The following EPHB1 variants were observed in gnomAD, a reference collection of about 807,000 sequenced individuals.
The protein encoded by EPHB1 is EPH receptor B1.
A neutral mutation model predicts 94.4 loss-of-function variants in EPHB1; 30 were observed. That is an observed-to-expected ratio of 0.32 (90% CI 0.24 to 0.43). EPHB1 has a LOEUF of 0.43. EPHB1 is among the 20% of genes least tolerant of loss of function. The pLI is 1.00. For missense variants in EPHB1, 1,055 were observed against 1,308.3 expected (o/e 0.81, Z 2.99); for synonymous variants, 522 against 489.1 (o/e 1.07, Z -0.89).
chr3:135,168,538 T>G lies in EPHB1; in HGVS notation c.1759+1532T>G, dbSNP rs367862704. Reference sequence around the variant, plus strand: ...TTATGTTGGCCTGTGCATTAGCCCTTCCAGGCAGGGCCTTACCTTCCCCAA... The same window carrying G: ...TTATGTTGGCCTGTGCATTAGCCCTGCCAGGCAGGGCCTTACCTTCCCCAA... On this transcript the variant is annotated intron_variant, in intron 9 of 15. Transcript: ENST00000398015. Among the ~76,000 whole-genome samples the G allele has an allele frequency of 9.0e-4, 137 of 152,330 alleles. 4 individuals are homozygous for G. The South Asian group carries it at 0.027, about 30-fold the overall frequency.
chr3:134,867,318 A>G (rs151251977), intron 1 of EPHB1, among the ~76,000 whole-genome samples: 41 of 152,312 alleles, frequency 2.7e-4, no homozygotes, highest in Non-Finnish European at 5.3e-4. Flanking sequence ...TTTTCTGCCT[A>G]TGTCATACCT....
chr3:135,076,261 A>ATTATG, intron 3 of EPHB1, among the ~76,000 whole-genome samples: 1 of 112,580 alleles, frequency 8.9e-6, no homozygotes, highest in South Asian at 2.8e-4. Context: ...ATATATATAT[A>ATTATG]ACTCTTAAAT....
At chr3:134,967,652 T>G (rs1408444750) in intron 3 of EPHB1, among the ~76,000 whole-genome samples, 1 of 152,182 alleles carries the variant, frequency 6.6e-6, no homozygotes, top group African/African-American at 2.4e-5. Context: ...CCTCACCAGA[T>G]GTAGCACCTT....
intron 1 of EPHB1, among the ~76,000 whole-genome samples, chr3:134,823,167 A>G (rs115254790): frequency 0.011 from 1,745 of 152,334 alleles, 33 homozygotes; most frequent in African/African-American, 0.04. Context: ...CTTAAAAGCC[A>G]TTAAGTCACT....
chr3:135,136,123 G>A (rs2107688635), intron 5 of EPHB1, among the ~76,000 whole-genome samples: 1 of 152,306 alleles, frequency 6.6e-6, no homozygotes, highest in South Asian at 2.1e-4. Flanking sequence ...CCTAAAAGTG[G>A]ACAGTACCTC....
At chr3:135,004,059 G>T (rs1935294349) in intron 3 of EPHB1, among the ~76,000 whole-genome samples, 1 of 151,810 alleles carries the variant, frequency 6.6e-6, no homozygotes, top group South Asian at 2.1e-4. Context: ...AGTCTCGATG[G>T]TCTTTTCATT....
At chr3:134,885,978 AC>A (rs1417134877) in intron 1 of EPHB1, among the ~76,000 whole-genome samples, 2 of 152,224 alleles carry the variant, frequency 1.3e-5, no homozygotes, top group Non-Finnish European at 2.9e-5. Flanking sequence ...AAATCCACAT[AC>A]CAAGTGATGC....
At chr3:134,939,065 C>T (rs2107708674) in intron 2 of EPHB1, among the ~76,000 whole-genome samples, 1 of 152,218 alleles carries the variant, frequency 6.6e-6, no homozygotes, top group Admixed American at 6.5e-5. Context: ...TCCACCTTGA[C>T]CTTGTTACAG....
At chr3:135,229,718 C>T (rs72630182) in intron 12 of EPHB1, among the ~76,000 whole-genome samples, 7,352 of 152,292 alleles carry the variant, frequency 0.048, 295 homozygotes, top group East Asian at 0.21. Flanking sequence ...CCCCAACCTT[C>T]TCCAGAGACA....
chr3:135,153,246 T>C (rs1345824715), intron 5 of EPHB1, among the ~76,000 whole-genome samples: 1 of 152,156 alleles, frequency 6.6e-6, no homozygotes, highest in African/African-American at 2.4e-5. Context: ...AAGACCTTCA[T>C]CACTGCAGAA....
At position 134,891,588 on chromosome 3, in the gene EPHB1, C is replaced by G. The variant is rs1353498137; in HGVS notation, c.59-34228C>G. Among the ~76,000 whole-genome samples the G allele has an allele frequency of 2.0e-5, 3 of 151,644 alleles. No individual in the cohort carries two copies. In the East Asian group the frequency reaches 5.8e-4, roughly 29 times the overall value. On this transcript the variant is annotated intron_variant, in intron 1 of 15. Coordinates refer to ENST00000398015, the MANE Select transcript of EPHB1 (RefSeq NM_004441.5). The stretch of plus-strand genomic sequence containing the variant: ...TGCCTTTTTGATGTTCATTGAGACA[C>G]CTGGATAATATTTTGAATTTATTAA...
Position 134,959,966 on chromosome 3 carries a change from C to CTTTTTTTTTTTT in EPHB1, c.805+7945_805+7956dup, listed in dbSNP as rs61369813. On this transcript the variant is annotated intron_variant, in intron 3 of 15. Coordinates refer to ENST00000398015, the MANE Select transcript of EPHB1 (RefSeq NM_004441.5). ...AGAATTTGAGCACAAACATCTGCAC[C>CTTTTTTTTTTTT]TTTTTTTTTTTTTTTTTTTTTTTTT... is the stretch of plus-strand genomic sequence containing the variant. 2.3e-4 allele frequency among the ~76,000 whole-genome samples: 25 copies of CTTTTTTTTTTTT among 107,420 alleles called. 4 individuals carry two copies. Among genetic ancestry groups the CTTTTTTTTTTTT allele is most frequent in the East Asian group, 8.3e-4 (2 of 2,424 alleles). 70.5% of individuals were successfully genotyped at this position (107,420 alleles called of 152,430 possible).
intron 1 of EPHB1, among the ~76,000 whole-genome samples, chr3:134,853,727 A>T (rs1233022206): frequency 1.3e-5 from 2 of 152,216 alleles, no homozygotes; most frequent in African/African-American, 4.8e-5. Context: ...ACCGTAGCAC[A>T]GCAATATTCT....
chr3:134,837,987 G>A (rs1442046863), intron 1 of EPHB1, among the ~76,000 whole-genome samples: 2 of 152,132 alleles, frequency 1.3e-5, no homozygotes, highest in Non-Finnish European at 2.9e-5. Flanking sequence ...GAATAGGCAG[G>A]GGGTGAGGGC....
chr3:135,241,372 C>T (rs1943779301), intron 13 of EPHB1, 75 bp downstream of exon 13: 2 of 1,578,014 alleles, frequency 1.3e-6, no homozygotes, highest in African/African-American at 1.3e-5. Context: ...ACCAATTCCT[C>T]CTGTTTTCAG....
chr3:135,090,078 A>G (rs1271469603), intron 3 of EPHB1, among the ~76,000 whole-genome samples: 1 of 152,246 alleles, frequency 6.6e-6, no homozygotes, highest in Non-Finnish European at 1.5e-5. Flanking sequence ...ATTACCTCTC[A>G]GCACCTAGGA....
At chr3:134,972,940 G>A (rs572940301) in intron 3 of EPHB1, among the ~76,000 whole-genome samples, 1 of 152,324 alleles carries the variant, frequency 6.6e-6, no homozygotes, top group African/African-American at 2.4e-5. Context: ...ACAGAGTTAT[G>A]TCCCTTGTGT....
intron 3 of EPHB1, among the ~76,000 whole-genome samples, chr3:134,952,521 A>C (rs1323338095): frequency 6.6e-6 from 1 of 152,130 alleles, no homozygotes; most frequent in East Asian, 1.9e-4. Flanking sequence ...AAAATATTTT[A>C]GTTCATTTCA....
chr3:135,052,909 A>ATATGTG (rs1217744067), intron 3 of EPHB1, among the ~76,000 whole-genome samples: 20 of 68,846 alleles, frequency 2.9e-4, no homozygotes, highest in African/African-American at 1.2e-3. Flanking sequence ...ATATATATAT[A>ATATGTG]TGTGTGTGTG....
Sources: allele counts gnomAD v4.1 joint callset (sites outside exome capture counted in the v4.1 genomes callset), GRCh38; gene constraint gnomAD v4.1.1; transcripts MANE v1.5; gene names NCBI Gene and HGNC (gene_info 2026-07-23, HGNC 2026-07-21).